CNTNAP2: variants seen among roughly 807,000 people sequenced by gnomAD.
CNTNAP2 encodes the protein contactin-associated protein-like 2.
Under a neutral mutation model 155.2 loss-of-function variants are expected in CNTNAP2, and 98 were observed. That is an observed-to-expected ratio of 0.63 (90% CI 0.54 to 0.75). The LOEUF (loss-of-function observed/expected upper bound fraction) is 0.75, where lower values mean the gene tolerates loss of function less well. Ranked by LOEUF, CNTNAP2 falls within the 30% of genes least tolerant of loss-of-function variation. The pLI is 0.00. For missense variants in CNTNAP2, 1,727 were observed against 1,688.1 expected, an observed-to-expected ratio of 1.02 and a Z score of -0.40; for synonymous variants, 651 against 631.2, an observed-to-expected ratio of 1.03 and a Z score of -0.47.
At chr7:147,095,409 G>A (rs1036713622) in intron 4 of CNTNAP2, among the ~76,000 whole-genome samples, 1 of 151,894 alleles carries the variant, frequency 6.6e-6, no homozygotes, top group East Asian at 1.9e-4. Context: ...CACATCTAAA[G>A]GCCCCAACTC....
intron 21 of CNTNAP2, among the ~76,000 whole-genome samples, chr7:148,345,169 T>G (rs960347916): frequency 3.3e-5 from 5 of 152,212 alleles, no homozygotes; most frequent in South Asian, 4.2e-4. Flanking sequence ...CATCTTTAAC[T>G]CTCTGCGGGG....
intron 1 of CNTNAP2, among the ~76,000 whole-genome samples, chr7:146,659,507 T>A (rs1191144024): frequency 1.3e-5 from 2 of 152,158 alleles, no homozygotes; most frequent in Non-Finnish European, 2.9e-5. Flanking sequence ...TTTAATTCTA[T>A]TTTTTTCAGG....
At chr7:146,852,794 A>G (rs1196854166) in intron 3 of CNTNAP2, among the ~76,000 whole-genome samples, 2 of 152,194 alleles carry the variant, frequency 1.3e-5, no homozygotes, top group African/African-American at 4.8e-5. Context: ...TAGTTCTCCC[A>G]GTATTCTTCA....
intron 1 of CNTNAP2, among the ~76,000 whole-genome samples, chr7:146,404,001 T>G (rs1389497395): frequency 6.7e-6 from 1 of 149,876 alleles, no homozygotes; most frequent in East Asian, 2.0e-4. Context: ...GGCGGGCGCC[T>G]GTAGTCCCAG....
intron 8 of CNTNAP2, among the ~76,000 whole-genome samples, chr7:147,165,205 G>A (rs1802092691): frequency 6.6e-6 from 1 of 151,966 alleles, no homozygotes. Flanking sequence ...CAGGAGTAAG[G>A]GGGTATTGCA....
At chr7:148,385,736 G>GT (rs398006728) in intron 22 of CNTNAP2, among the ~76,000 whole-genome samples, 521 of 95,322 alleles carry the variant, frequency 5.5e-3, no homozygotes, top group African/African-American at 0.011. Context: ...AGTGTGACAG[G>GT]TTTTTTTTTT....
chr7:148,131,462 T>A (rs184530983), intron 16 of CNTNAP2, among the ~76,000 whole-genome samples: 1 of 152,190 alleles, frequency 6.6e-6, no homozygotes, highest in Non-Finnish European at 1.5e-5. Context: ...AAAGATGGCC[T>A]GTTAAAGTGT....
chr7:147,283,270 A>G (rs750336055), intron 8 of CNTNAP2, among the ~76,000 whole-genome samples: 3 of 151,756 alleles, frequency 2.0e-5, no homozygotes, highest in Non-Finnish European at 4.4e-5. Context: ...TATTTTGTTG[A>G]CATATACATA....
chr7:147,269,040 A>G lies in CNTNAP2; in HGVS notation c.1349-31101A>G, dbSNP rs142427800. ...AGATGTCAAGTGCTTTACTAGAAAT[A>G]CTTACAATGTTATGATGAAATGCTT... On this transcript the variant is annotated intron_variant, in intron 8 of 23. Transcript: ENST00000361727. Among the ~76,000 whole-genome samples the G allele has an allele frequency of 4.6e-5, 7 of 152,290 alleles. No individual in the cohort carries two copies. The East Asian group carries it at 1.2e-3, about 25-fold the overall frequency.
At chr7:146,491,558 A>G (rs911792365) in intron 1 of CNTNAP2, among the ~76,000 whole-genome samples, 5 of 152,152 alleles carry the variant, frequency 3.3e-5, no homozygotes, top group Non-Finnish European at 7.3e-5. Flanking sequence ...CCCAAAGGGT[A>G]CAATGGTGAC....
At chr7:146,335,333 A>C (rs1470004706) in intron 1 of CNTNAP2, among the ~76,000 whole-genome samples, 1 of 152,176 alleles carries the variant, frequency 6.6e-6, no homozygotes, top group African/African-American at 2.4e-5. Context: ...GTAAATTCTT[A>C]AGAGATGTAA....
chr7:146,642,594 T>C (rs982480662), intron 1 of CNTNAP2, among the ~76,000 whole-genome samples: 7 of 151,592 alleles, frequency 4.6e-5, no homozygotes, highest in Non-Finnish European at 1.0e-4. Context: ...GTCTTTGCTA[T>C]TGTGAATAGT....
intron 20 of CNTNAP2, among the ~76,000 whole-genome samples, chr7:148,251,450 T>C (rs1395062944): frequency 1.3e-5 from 2 of 152,094 alleles, no homozygotes; most frequent in Admixed American, 6.5e-5. Flanking sequence ...GGACATTTAC[T>C]GAGCTTCGGT....
intron 9 of CNTNAP2, among the ~76,000 whole-genome samples, chr7:147,328,719 T>A (rs1380882809): frequency 6.6e-6 from 1 of 152,160 alleles, no homozygotes; most frequent in African/African-American, 2.4e-5. Flanking sequence ...GTAAAAATCA[T>A]TGGAGAGGAA....
chr7:147,130,803 T>A (rs906669119), intron 7 of CNTNAP2, among the ~76,000 whole-genome samples: 4 of 152,110 alleles, frequency 2.6e-5, no homozygotes, highest in African/African-American at 4.8e-5. Context: ...TCTGGAAGGA[T>A]CTTTAATTTT....
chr7:148,386,837 A>G (rs370261507), intron 22 of CNTNAP2, among the ~76,000 whole-genome samples: 7 of 152,136 alleles, frequency 4.6e-5, no homozygotes, highest in African/African-American at 1.7e-4. Context: ...GAAGAAACTC[A>G]GTAAGTAGTT....
At chr7:148,066,593 A>G (rs549508984) in intron 15 of CNTNAP2, among the ~76,000 whole-genome samples, 3 of 151,198 alleles carry the variant, frequency 2.0e-5, no homozygotes, top group South Asian at 4.2e-4. Flanking sequence ...CACCTCCTGG[A>G]TTCACGCCAT....
intron 12 of CNTNAP2, among the ~76,000 whole-genome samples, chr7:147,623,820 A>T (rs2116897041): frequency 6.7e-6 from 1 of 149,946 alleles, no homozygotes. Flanking sequence ...TATCCTGAAC[A>T]AAAAGAACAA....
At chr7:146,516,082 C>T (rs1184532752) in intron 1 of CNTNAP2, among the ~76,000 whole-genome samples, 1 of 151,984 alleles carries the variant, frequency 6.6e-6, no homozygotes, top group Admixed American at 6.6e-5. Flanking sequence ...CATGACAACT[C>T]TCATTTCCAC....
Sources: allele counts gnomAD v4.1 joint callset (sites outside exome capture counted in the v4.1 genomes callset), GRCh38; gene constraint gnomAD v4.1.1; transcripts MANE v1.5; gene names NCBI Gene and HGNC (gene_info 2026-07-23, HGNC 2026-07-21).